Variants in BEST3 observed in about 807,000 individuals in gnomAD.
BEST3 encodes bestrophin-3.
BEST3 carries 50 observed loss-of-function variants against 47.1 expected under a neutral mutation model. The observed-to-expected ratio is 1.06, with a 90% confidence interval of 0.85 to 1.34. BEST3 has a LOEUF of 1.34. Among genes scored for constraint, BEST3 ranks in the 40% most tolerant of loss-of-function variants. The probability of loss-of-function intolerance (pLI) is 0.00; values close to 1 mark genes in which losing one functional copy is unlikely to be tolerated. For missense variants in BEST3, 765 were observed against 817.0 expected (o/e 0.94, Z 0.78); for synonymous variants, 282 against 298.8 (o/e 0.94, Z 0.58).
intron 4 of BEST3, among the ~76,000 whole-genome samples, chr12:69,691,565 T>G (rs1781945141): frequency 6.6e-6 from 1 of 152,010 alleles, no homozygotes; most frequent in Non-Finnish European, 1.5e-5. Context: ...GAGGCCGAGG[T>G]GGGCGGATCA....
At position 69,678,783 on chromosome 12, in the gene BEST3, C is replaced by G; in HGVS notation, c.592G>C (p.Glu198Gln). 6.2e-7 allele frequency: 1 copy of G among 1,614,144 alleles called. No homozygotes were observed. Among genetic ancestry groups the G allele is most frequent in the Non-Finnish European group, 8.5e-7 (1 of 1,179,984 alleles). Residue 198 changes from glutamate to glutamine, a missense_variant, in exon 5 of 10, where the codon GAA becomes CAA. By Grantham distance (29) the Glu-to-Gln change is conservative. Transcript: ENST00000330891. ...TCAACACTGTCTCTGATTCTACCTT[C>G]ATTCCGGGCTTTAGTTGCAAGATTT... ...FGNLATKARN[E>Q]GRIRDSVDLQ...
Position 69,671,540 on chromosome 12 carries a change from G to A in BEST3, c.988C>T (p.Pro330Ser), listed in dbSNP as rs759862630. ...LAVDEMHMSL[P>S]KMKKDIYWDD... ...CAGTAAATGTCCTTCTTCATCTTGG[G>A]TAAGCTCATGTGCATTTCGTCCACA... Residue 330 changes from proline (P) to serine (S), a missense_variant, in exon 9 of 10, where the codon CCC becomes TCC. Transcript: ENST00000330891. 20 of 1,613,748 alleles carry A rather than the reference G, an allele frequency of 1.2e-5. No homozygotes were observed. The South Asian group carries it at 2.2e-4, about 18-fold the overall frequency.
intron 4 of BEST3, among the ~76,000 whole-genome samples, chr12:69,693,432 T>C (rs557496892): frequency 6.6e-6 from 1 of 151,600 alleles, no homozygotes; most frequent in Non-Finnish European, 1.5e-5. Context: ...CCCGGCTAAT[T>C]TTTTCTATTT....
chr12:69,680,276 A>T (rs1230045428), intron 4 of BEST3, among the ~76,000 whole-genome samples: 2 of 150,270 alleles, frequency 1.3e-5, no homozygotes, highest in East Asian at 3.9e-4. Flanking sequence ...GTTTGCAACA[A>T]GATGCACTTT....
rs761408681 is a variant in BEST3 at position 69,693,765 on chromosome 12, G to A, written c.390C>T (p.Arg130=). The A allele has an allele frequency of 1.9e-6, 3 of 1,614,188 alleles. No homozygotes were observed. The South Asian group carries it at 3.3e-5, about 18-fold the overall frequency. Residue 130 remains arginine (R), a synonymous_variant, in exon 4 of 10, where the codon CGC becomes CGT. Transcript: ENST00000330891. ...HGRLLRRTLM[R]YVNLTSLLIF... ...TGAGCAGGGAGGTGAGATTGACGTA[G>A]CGCATCAGCGTCCTTCTAAGCAGGC...
At chr12:69,694,283 GC>G in intron 3 of BEST3, 86 bp downstream of exon 3, 1 of 810,658 alleles carries the variant, frequency 1.2e-6, no homozygotes, top group Non-Finnish European at 1.9e-6. Context: ...ATGCCTCTCA[GC>G]TTGGAAACAC....
chr12:69,699,122 C>G, intron 1 of BEST3, 83 bp downstream of exon 1: 1 of 820,342 alleles, frequency 1.2e-6, no homozygotes. Flanking sequence ...GTTCACTCTT[C>G]TTTTCAAGCT....
At chr12:69,645,328 T>C (rs1255185514) in intron 9 of BEST3, among the ~76,000 whole-genome samples, 1 of 152,184 alleles carries the variant, frequency 6.6e-6, no homozygotes, top group Non-Finnish European at 1.5e-5. Flanking sequence ...AACCCTAGTT[T>C]CCTTACCTAT....
In BEST3 at chr12:69,655,311, G is replaced by C; in HGVS notation, c.1603C>G (p.Gln535Glu). 2.5e-6 allele frequency: 4 copies of C among 1,614,150 alleles called. No individual in the cohort carries two copies. Among genetic ancestry groups the C allele is most frequent in the Non-Finnish European group, 3.4e-6 (4 of 1,180,032 alleles). ...TGCTGCTGCTCAGTCTTGCTTGGCT[G>C]AACCCCTGTAAACTCAGAGCTCAAG... The part of the protein sequence containing the change: ...SILSSEFTGV[Q>E]PSKTEQQQGP... Residue 535 changes from glutamine to glutamate, a missense_variant, in exon 10 of 10, where the codon CAG (glutamine) becomes GAG (glutamate). Gln to Glu is a conservative substitution (Grantham distance 29). Transcript: ENST00000330891.
chr12:69,664,622 A>G (rs1884074310), intron 9 of BEST3, among the ~76,000 whole-genome samples: 1 of 151,338 alleles, frequency 6.6e-6, no homozygotes, highest in Non-Finnish European at 1.5e-5. Flanking sequence ...AAAGGATTTG[A>G]TGTGGCCTTC....
chr12:69,644,617 A>G (rs989333470), intron 9 of BEST3, among the ~76,000 whole-genome samples: 3 of 152,162 alleles, frequency 2.0e-5, no homozygotes, highest in Non-Finnish European at 4.4e-5. Flanking sequence ...TTTTTATTAA[A>G]TTTGTGAAGG....
rs779566914 is a variant in BEST3, at chr12:69,655,581, TG to T, written c.1332del (p.Arg445GlyfsTer40). 5 of 1,613,610 alleles carry T rather than the reference TG, an allele frequency of 3.1e-6. No individual in the cohort carries two copies. The highest frequency in any genetic ancestry group is 1.3e-5 in the African/African-American group (1 of 74,804). On this transcript the variant is annotated frameshift_variant, in exon 10 of 10. Transcript: ENST00000330891. LOFTEE classifies it low-confidence loss of function (END_TRUNC). The part of the protein sequence containing the change: ...DLLDVPSRNP[P>X]RASPTWKKSC... ...GATTTCTTCCAGGTGGGTGAGGCCC[TG>T]GGGGGGTTTCTTGAGGGCACATCCA...
At chr12:69,689,002 T>A in intron 4 of BEST3, 1 of 694,290 alleles carries the variant, frequency 1.4e-6, no homozygotes, top group Non-Finnish European at 1.8e-6. Flanking sequence ...AGAATTCAAC[T>A]GACAAGAAGG....
In BEST3 at chr12:69,654,408, T is replaced by C; in HGVS notation, c.*499A>G. ...GTTATAAAAGTAGGAATGAGATGGT[T>C]AGAAAGCCTCAAACAAAAACGTTAG... On this transcript the variant is annotated 3_prime_UTR_variant, in exon 10 of 10. Transcript: ENST00000330891. The C allele has an allele frequency of 1.0e-6, 1 of 985,962 alleles. No individual in the cohort carries two copies. Among genetic ancestry groups the C allele is most frequent in the Non-Finnish European group, 1.2e-6 (1 of 830,356 alleles). 61.1% of individuals were successfully genotyped at this position (985,962 alleles called of 1,614,324 possible). A position where few individuals can be genotyped will look rare whatever the true frequency, so the allele number is the denominator to read the frequency against.
At chr12:69,667,048 T>A (rs973138246) in intron 9 of BEST3, among the ~76,000 whole-genome samples, 1 of 152,198 alleles carries the variant, frequency 6.6e-6, no homozygotes, top group Non-Finnish European at 1.5e-5. Flanking sequence ...AAAGCAAAAA[T>A]GTGACCCTGT....
At chr12:69,696,549 G>C (rs775426) in intron 2 of BEST3, among the ~76,000 whole-genome samples, 43,914 of 151,978 alleles carry the variant, frequency 0.29, 6,893 homozygotes, top group East Asian at 0.49. Flanking sequence ...AAAATTATTA[G>C]AGGTTGTTAA....
At chr12:69,662,023 T>A (rs1030940331) in intron 9 of BEST3, among the ~76,000 whole-genome samples, 4 of 152,220 alleles carry the variant, frequency 2.6e-5, no homozygotes, top group Non-Finnish European at 5.9e-5. Context: ...AATATTGTTA[T>A]ATTCTATAGG....
In BEST3 at chr12:69,676,938, A is replaced by C; in HGVS notation, c.845T>G (p.Phe282Cys). The C allele has an allele frequency of 6.2e-7, 1 of 1,613,824 alleles. No individual in the cohort carries two copies. Among genetic ancestry groups the C allele is most frequent in the South Asian group, 1.1e-5 (1 of 91,070 alleles). The part of the protein sequence containing the change: ...YIPIFTLLQF[F>C]FYAGWLKVAE... ...TACCTTAAGCCATCCTGCATAGAAG[A>C]AGAATTGTAGGAGGGTGAAGATGGG... The change falls in exon 7 of 10, where the codon TTC becomes TGC. Residue 282 changes from phenylalanine to cysteine, a missense_variant. By Grantham distance (205) the Phe-to-Cys change is radical. Coordinates refer to ENST00000330891, the MANE Select transcript of BEST3 (RefSeq NM_032735.3).
At chr12:69,687,559 A>G (rs1275133270) in intron 4 of BEST3, 2 of 151,768 alleles carry the variant, frequency 1.3e-5, no homozygotes, top group Non-Finnish European at 2.9e-5. Context: ...AGTTGCTCAA[A>G]AGGCTGAGGC....
Sources: gnomAD v4.1 joint callset for allele counts (sites outside exome capture counted in the v4.1 genomes callset) on GRCh38, gnomAD v4.1.1 for gene constraint, MANE v1.5 for transcripts, NCBI Gene and HGNC (gene_info 2026-07-23, HGNC 2026-07-21) for gene names.